WWOX: variants seen among roughly 807,000 people sequenced by gnomAD.
WWOX encodes the protein WW domain containing oxidoreductase.
A neutral mutation model predicts 46.2 loss-of-function variants in WWOX; 69 were observed. The ratio of observed to expected loss-of-function variants is 1.49; its 90% CI spans 1.23 to 1.82. The LOEUF (loss-of-function observed/expected upper bound fraction) is 1.82, where lower values mean the gene tolerates loss of function less well. Among genes scored for constraint, WWOX ranks in the 40% most tolerant of loss-of-function variants. The pLI, the probability that WWOX is intolerant of heterozygous loss-of-function variation, is 0.00. For missense variants in WWOX, 919 were observed against 542.6 expected, an observed-to-expected ratio of 1.69 and a Z score of -6.89; for synonymous variants, 359 against 202.6, an observed-to-expected ratio of 1.77 and a Z score of -6.56.
chr16:78,492,174 A>G (rs1454679386), intron 8 of WWOX, among the ~76,000 whole-genome samples: 3 of 152,206 alleles, frequency 2.0e-5, no homozygotes, highest in Non-Finnish European at 4.4e-5. Flanking sequence ...AGGGAAGCAG[A>G]TAGTTCCATT....
chr16:78,218,011 T>A (rs549724506), intron 5 of WWOX, among the ~76,000 whole-genome samples: 5 of 152,212 alleles, frequency 3.3e-5, no homozygotes, highest in Admixed American at 6.5e-5. Context: ...ACCCCCTCAA[T>A]TTTTTTACTT....
chr16:78,703,537 T>C (rs935112116), intron 8 of WWOX, among the ~76,000 whole-genome samples: 3 of 152,060 alleles, frequency 2.0e-5, no homozygotes, highest in Non-Finnish European at 4.4e-5. Flanking sequence ...GAGGATCCCT[T>C]GAGTCCAGGA....
At chr16:78,874,098 A>T (rs114875757) in intron 8 of WWOX, among the ~76,000 whole-genome samples, 1,654 of 98,554 alleles carry the variant, frequency 0.017, 23 homozygotes, top group African/African-American at 0.041. Flanking sequence ...AAAATTATTT[A>T]AAAAAAAAAT....
At chr16:78,596,431 G>T (rs1450741891) in intron 8 of WWOX, among the ~76,000 whole-genome samples, 1 of 152,150 alleles carries the variant, frequency 6.6e-6, no homozygotes, top group Non-Finnish European at 1.5e-5. Context: ...GACACAGGCT[G>T]CTGTGGCAAC....
intron 8 of WWOX, among the ~76,000 whole-genome samples, chr16:78,614,297 A>G (rs1210433142): frequency 6.6e-6 from 1 of 152,236 alleles, no homozygotes; most frequent in Non-Finnish European, 1.5e-5. Context: ...TGCACAAAGC[A>G]GAGGGAATCA....
intron 8 of WWOX, among the ~76,000 whole-genome samples, chr16:78,698,351 G>A (rs62036135): frequency 0.35 from 52,743 of 151,754 alleles, 10,879 homozygotes; most frequent in Non-Finnish European, 0.46. Flanking sequence ...GGATTTTTGG[G>A]GTATCTTCCA....
At chr16:78,401,308 C>G (rs1046217357) in intron 6 of WWOX, among the ~76,000 whole-genome samples, 6 of 152,024 alleles carry the variant, frequency 3.9e-5, no homozygotes, top group African/African-American at 9.7e-5. Flanking sequence ...TTAAGAAAAG[C>G]CAAGTTTAAA....
chr16:79,033,672 CG>C (rs1459617701), intron 8 of WWOX, among the ~76,000 whole-genome samples: 4 of 152,150 alleles, frequency 2.6e-5, no homozygotes, highest in Non-Finnish European at 4.4e-5. Flanking sequence ...TGATTTTCAT[CG>C]TGCAAAACTG....
chr16:78,335,594 T>C (rs1338706147), intron 5 of WWOX, among the ~76,000 whole-genome samples: 1 of 152,204 alleles, frequency 6.6e-6, no homozygotes, highest in East Asian at 1.9e-4. Context: ...ATCCCATTAC[T>C]GGGTATGTAA....
intron 8 of WWOX, among the ~76,000 whole-genome samples, chr16:78,714,891 T>C (rs2142334436): frequency 6.6e-6 from 1 of 152,298 alleles, no homozygotes; most frequent in South Asian, 2.1e-4. Context: ...CATGGAATGA[T>C]ATGGTGTGAT....
At chr16:78,241,413 G>A (rs117399047) in intron 5 of WWOX, among the ~76,000 whole-genome samples, 3,719 of 151,954 alleles carry the variant, frequency 0.024, 72 homozygotes, top group Non-Finnish European at 0.035. Context: ...GGTTGCTGTT[G>A]CTATTTGTTT....
intron 8 of WWOX, among the ~76,000 whole-genome samples, chr16:78,530,005 G>A (rs1180586610): frequency 6.6e-6 from 1 of 152,162 alleles, no homozygotes; most frequent in Non-Finnish European, 1.5e-5. Context: ...GCTGGAACTA[G>A]CTGGCTGCTT....
intron 8 of WWOX, among the ~76,000 whole-genome samples, chr16:78,492,648 C>T (rs1175364821): frequency 1.3e-5 from 2 of 152,166 alleles, no homozygotes; most frequent in Non-Finnish European, 2.9e-5. Flanking sequence ...ATGAAACTTT[C>T]TTCGTATATT....
intron 8 of WWOX, among the ~76,000 whole-genome samples, chr16:78,933,831 G>A (rs559493474): frequency 1.3e-5 from 2 of 152,244 alleles, no homozygotes; most frequent in African/African-American, 4.8e-5. Flanking sequence ...CGACATTTGG[G>A]AATTGTGGGA....
At chr16:79,001,213 C>T (rs1190915445) in intron 8 of WWOX, among the ~76,000 whole-genome samples, 5 of 152,166 alleles carry the variant, frequency 3.3e-5, no homozygotes, top group Non-Finnish European at 5.9e-5. Flanking sequence ...TCTCGAGGAA[C>T]GGAGGCCGGT....
At chr16:79,022,059 AAG>A (rs2047544757) in intron 8 of WWOX, among the ~76,000 whole-genome samples, 1 of 152,224 alleles carries the variant, frequency 6.6e-6, no homozygotes, top group South Asian at 2.1e-4. Context: ...GGCAAAGACA[AAG>A]AGAGATGGGG....
chr16:79,139,653 T>C (rs906944922), intron 8 of WWOX, among the ~76,000 whole-genome samples: 4 of 152,158 alleles, frequency 2.6e-5, no homozygotes, highest in African/African-American at 9.7e-5. Context: ...AGGCCGATCT[T>C]GTTGAAATGT....
chr16:78,504,824 G>C (rs1014568807), intron 8 of WWOX, among the ~76,000 whole-genome samples: 1 of 152,016 alleles, frequency 6.6e-6, no homozygotes, highest in African/African-American at 2.4e-5. Context: ...GGCTCTCTGT[G>C]GTAGGCAACA....
intron 8 of WWOX, among the ~76,000 whole-genome samples, chr16:78,831,390 C>T (rs1415155021): frequency 6.6e-6 from 1 of 152,214 alleles, no homozygotes; most frequent in Admixed American, 6.5e-5. Context: ...CTCAAAATAT[C>T]TGTGTTCATG....
Sources: gnomAD v4.1 joint callset for allele counts (sites outside exome capture counted in the v4.1 genomes callset) on GRCh38, gnomAD v4.1.1 for gene constraint, MANE v1.5 for transcripts, NCBI Gene and HGNC (gene_info 2026-07-23, HGNC 2026-07-21) for gene names.